Variants in SRGAP1 observed in about 807,000 individuals in gnomAD.
SRGAP1 encodes the protein SLIT-ROBO Rho GTPase activating protein 1.
SRGAP1 carries 43 observed loss-of-function variants against 121.9 expected under a neutral mutation model. The ratio of observed to expected loss-of-function variants is 0.35; its 90% CI spans 0.28 to 0.46. SRGAP1 has a LOEUF of 0.46. SRGAP1 is among the 20% of genes least tolerant of loss of function. The pLI, the probability that SRGAP1 is intolerant of heterozygous loss-of-function variation, is 1.00. For missense variants in SRGAP1, 1,102 were observed against 1,350.9 expected, an observed-to-expected ratio of 0.82 and a Z score of 2.89; for synonymous variants, 447 against 485.4, an observed-to-expected ratio of 0.92 and a Z score of 1.04.
In SRGAP1 at chr12:63,895,871, C is replaced by T. The variant is rs553004982; in HGVS notation, c.67+50988C>T. Among the ~76,000 whole-genome samples, 3 of 152,318 alleles carry T rather than the reference C, an allele frequency of 2.0e-5. No homozygotes were observed. In the East Asian group the frequency reaches 5.8e-4, roughly 29 times the overall value. Reference sequence around the variant, plus strand: ...AGGAATAGTGTCTCAAATTCTTTTGCTCTGTGGGAGCATTCTGCACCCTGC... The same window carrying T: ...AGGAATAGTGTCTCAAATTCTTTTGTTCTGTGGGAGCATTCTGCACCCTGC... On this transcript the variant is annotated intron_variant, in intron 1 of 21. Coordinates refer to ENST00000355086, the MANE Select transcript of SRGAP1 (RefSeq NM_020762.4).
intron 1 of SRGAP1, among the ~76,000 whole-genome samples, chr12:63,885,138 G>C (rs1353178669): frequency 6.6e-6 from 1 of 152,032 alleles, no homozygotes; most frequent in Admixed American, 6.6e-5. Flanking sequence ...AGACTTCCGT[G>C]ACCAAATGTG....
In SRGAP1 at chr12:63,913,507, G is replaced by GTA. The variant is rs1198486090; in HGVS notation, c.67+68635_67+68636dup. Among the ~76,000 whole-genome samples, 124 of 130,934 alleles carry GTA rather than the reference G, an allele frequency of 9.5e-4. 1 individual carries two copies. Among genetic ancestry groups the GTA allele is most frequent in the South Asian group, 1.3e-3 (5 of 3,926 alleles). 85.9% of individuals were successfully genotyped at this position (130,934 alleles called of 152,430 possible). A position where few individuals can be genotyped will look rare whatever the true frequency, so the allele number is the denominator to read the frequency against. On this transcript the variant is annotated intron_variant, in intron 1 of 21. Coordinates refer to ENST00000355086, the MANE Select transcript of SRGAP1 (RefSeq NM_020762.4). ...TATATATATAAATACACATATATGTGTATATATATATACATATATGTGTGT... is the reference window on the plus strand; with the variant it reads ...TATATATATAAATACACATATATGTGTATATATATATATACATATATGTGTGT...
At chr12:63,936,620 C>A (rs2031670463) in intron 1 of SRGAP1, among the ~76,000 whole-genome samples, 1 of 152,108 alleles carries the variant, frequency 6.6e-6, no homozygotes, top group Admixed American at 6.6e-5. Flanking sequence ...ATAGAGGGCA[C>A]CAGAGTCATC....
intron 1 of SRGAP1, among the ~76,000 whole-genome samples, chr12:63,860,071 T>G (rs989476642): frequency 4.8e-4 from 73 of 152,214 alleles, no homozygotes; most frequent in Admixed American, 1.3e-4. Context: ...AGTGGCGTGA[T>G]CTTGGTTCAC....
intron 1 of SRGAP1, among the ~76,000 whole-genome samples, chr12:63,856,905 C>G (rs1899270787): frequency 6.6e-6 from 1 of 152,074 alleles, no homozygotes; most frequent in Non-Finnish European, 1.5e-5. Flanking sequence ...TTAGTTCTTC[C>G]TACCTGTGAA....
intron 1 of SRGAP1, among the ~76,000 whole-genome samples, chr12:63,890,147 A>G (rs1176768538): frequency 1.3e-5 from 2 of 152,142 alleles, no homozygotes; most frequent in Non-Finnish European, 2.9e-5. Context: ...GAGCAGGGGA[A>G]AAATAACTCA....
chr12:64,061,074 T>C (rs1245540894), intron 6 of SRGAP1, among the ~76,000 whole-genome samples: 2 of 152,214 alleles, frequency 1.3e-5, no homozygotes, highest in Non-Finnish European at 2.9e-5. Flanking sequence ...AAATTGAAAA[T>C]GAACCTGTCA....
At chr12:64,080,479 A>G (rs766095143) in intron 10 of SRGAP1, 109 bp downstream of exon 10, 2 of 960,218 alleles carry the variant, frequency 2.1e-6, no homozygotes, top group Admixed American at 2.0e-5. Flanking sequence ...AGCAGAGGAC[A>G]CTCTGTGTTT....
chr12:63,921,556 T>C (rs1592948084), intron 1 of SRGAP1, among the ~76,000 whole-genome samples: 2 of 152,322 alleles, frequency 1.3e-5, no homozygotes, highest in South Asian at 4.1e-4. Flanking sequence ...TCCTTTAGAT[T>C]TTAGCTCAAA....
chr12:63,960,404 C>T (rs1592983937), intron 1 of SRGAP1, among the ~76,000 whole-genome samples: 1 of 152,160 alleles, frequency 6.6e-6, no homozygotes, highest in South Asian at 2.1e-4. Context: ...CTACTCTTTC[C>T]TTCCAAGGAG....
chr12:63,957,945 C>T (rs1019505227), intron 1 of SRGAP1, among the ~76,000 whole-genome samples: 1 of 152,134 alleles, frequency 6.6e-6, no homozygotes, highest in Non-Finnish European at 1.5e-5. Context: ...TCTGGGACCA[C>T]GAGGACAAAG....
intron 4 of SRGAP1, among the ~76,000 whole-genome samples, chr12:64,038,071 C>A (rs2034937100): frequency 6.6e-6 from 1 of 152,174 alleles, no homozygotes; most frequent in African/African-American, 2.4e-5. Flanking sequence ...ATTGCTGTGC[C>A]AGCTGTGTGA....
intron 6 of SRGAP1, among the ~76,000 whole-genome samples, chr12:64,059,370 T>TC (rs952734738): frequency 6.6e-6 from 1 of 152,202 alleles, no homozygotes; most frequent in African/African-American, 2.4e-5. Context: ...CTCTTTTTTT[T>TC]CTGCCTTTTC....
rs756484723 is a variant in SRGAP1, at chr12:64,098,686, AT to A, written c.1813+1312del. On this transcript the variant is annotated intron_variant, in intron 15 of 21. Coordinates refer to ENST00000355086, the MANE Select transcript of SRGAP1 (RefSeq NM_020762.4). ...CTCTGTCTCAAAAAAAAATAAAAAA[AT>A]AAAAAAGCTAACTCCATGGCATGGC... 1.1e-3 allele frequency among the ~76,000 whole-genome samples: 160 copies of A among 152,160 alleles called. 2 individuals are homozygous for A. Among genetic ancestry groups the A allele is most frequent in the South Asian group, 7.5e-3 (36 of 4,792 alleles).
chr12:63,937,487 A>G (rs1456624475), intron 1 of SRGAP1, among the ~76,000 whole-genome samples: 1 of 152,220 alleles, frequency 6.6e-6, no homozygotes, highest in Non-Finnish European at 1.5e-5. Flanking sequence ...ATGTAGTAGT[A>G]TTCTATGAAT....
intron 1 of SRGAP1, among the ~76,000 whole-genome samples, chr12:63,866,497 T>C (rs912121820): frequency 2.0e-5 from 3 of 152,184 alleles, no homozygotes; most frequent in African/African-American, 7.2e-5. Flanking sequence ...AAACATAAAG[T>C]GAGAAATATG....
At chr12:64,137,392 A>G (rs2036873113) in intron 21 of SRGAP1, among the ~76,000 whole-genome samples, 2 of 152,276 alleles carry the variant, frequency 1.3e-5, no homozygotes, top group South Asian at 2.1e-4. Flanking sequence ...TGGAAATCAC[A>G]TATGAAAGTA....
At chr12:64,098,173 T>G (rs2036194983) in intron 15 of SRGAP1, among the ~76,000 whole-genome samples, 1 of 151,982 alleles carries the variant, frequency 6.6e-6, no homozygotes, top group Non-Finnish European at 1.5e-5. Flanking sequence ...CCCATCTGAA[T>G]CAACAAGTCC....
chr12:63,920,764 G>C (rs533936091), intron 1 of SRGAP1, among the ~76,000 whole-genome samples: 1 of 152,290 alleles, frequency 6.6e-6, no homozygotes, highest in Non-Finnish European at 1.5e-5. Context: ...AAATGGTTTG[G>C]ATGGAGGTGT....
Sources: allele counts gnomAD v4.1 joint callset (sites outside exome capture counted in the v4.1 genomes callset), GRCh38; gene constraint gnomAD v4.1.1; transcripts MANE v1.5; gene names NCBI Gene and HGNC (gene_info 2026-07-23, HGNC 2026-07-21).